The following RGS5 variants were observed in gnomAD, a reference collection of about 807,000 sequenced individuals.
RGS5 encodes regulator of G-protein signalling 5.
A neutral mutation model predicts 18.9 loss-of-function variants in RGS5; 20 were observed. The observed-to-expected ratio is 1.06, with a 90% CI of 0.74 to 1.54. The LOEUF is 1.54. RGS5 is among the 40% of genes most tolerant of loss of function. RGS5 has a pLI of 0.00. For synonymous variants in RGS5, 57 were observed against 76.2 expected, an observed-to-expected ratio of 0.75 and a Z score of 1.31; for missense variants, 201 against 211.8, an observed-to-expected ratio of 0.95 and a Z score of 0.32.
chr1:163,220,875 G>A (rs905499908), upstream of RGS5, among the ~76,000 whole-genome samples: 5 of 152,128 alleles, frequency 3.3e-5, no homozygotes, highest in African/African-American at 1.2e-4. Context: ...GTGGTGCAAG[G>A]AAGGGGTCAT....
chr1:163,194,911 C>A (rs752554005), intron 1 of RGS5, among the ~76,000 whole-genome samples: 1 of 151,862 alleles, frequency 6.6e-6, no homozygotes, highest in Non-Finnish European at 1.5e-5. Flanking sequence ...AAGAAATATA[C>A]GTTGATAATT....
chr1:163,158,075 A>T (rs1044231919), intron 3 of RGS5, among the ~76,000 whole-genome samples: 7 of 152,340 alleles, frequency 4.6e-5, no homozygotes, highest in Middle Eastern at 3.4e-3. Flanking sequence ...ATTTCTGATT[A>T]TAGACTATTA....
At chr1:163,310,864 T>C (rs1263973220) in intron 1 of RGS5, among the ~76,000 whole-genome samples, 2 of 152,062 alleles carry the variant, frequency 1.3e-5, no homozygotes, top group East Asian at 3.9e-4. Context: ...AAACTTACAA[T>C]CATGGCGGAA....
At chr1:163,152,415 A>G (rs1372194945) in intron 4 of RGS5, 135 bp downstream of exon 4, 2 of 842,138 alleles carry the variant, frequency 2.4e-6, no homozygotes, top group East Asian at 5.0e-5. Flanking sequence ...TGTACTCAAT[A>G]GGTGCTTAAT....
chr1:163,265,555 C>CTTCTT (rs1449070178), intron 2 of RGS5, among the ~76,000 whole-genome samples: 1 of 152,030 alleles, frequency 6.6e-6, no homozygotes, highest in Non-Finnish European at 1.5e-5. Flanking sequence ...TCTTTTTGAA[C>CTTCTT]TTTGCAACCT....
rs534894631 is a variant in RGS5, at chr1:163,254,998, T to C, written c.-281+51235A>G. On this transcript the variant is annotated intron_variant, in intron 2 of 5. Coordinates refer to the RGS5 transcript ENST00000618415. ...TTTCTGTGGGCTCTGTTCTGTTCCA[T>C]TGATCTATATCTCTGTTTTGGTACC... is the stretch of plus-strand genomic sequence containing the variant. Among the ~76,000 whole-genome samples, 926 of 152,266 alleles carry C rather than the reference T, an allele frequency of 6.1e-3. 4 individuals are homozygous for C. Among genetic ancestry groups the C allele is most frequent in the Non-Finnish European group, 9.3e-3 (630 of 68,008 alleles).
intron 1 of RGS5, among the ~76,000 whole-genome samples, chr1:163,185,128 A>G (rs1011069929): frequency 2.0e-5 from 3 of 152,092 alleles, no homozygotes; most frequent in African/African-American, 7.2e-5. Context: ...TGAACCAGCT[A>G]TTTGTTCCAA....
In RGS5 at chr1:163,177,945, G is replaced by A. The variant is rs183138589; in HGVS notation, c.45-9577C>T. ...TTTTCCAAAACCCCAAAATCACTGAGATACGCCAGCTTGTTCCCAGAGAGA... is the reference window on the plus strand; with the variant it reads ...TTTTCCAAAACCCCAAAATCACTGAAATACGCCAGCTTGTTCCCAGAGAGA... On this transcript the variant is annotated intron_variant, in intron 1 of 4. Transcript: ENST00000313961. 2.6e-5 allele frequency among the ~76,000 whole-genome samples: 4 copies of A among 152,276 alleles called. No individual in the cohort carries two copies. The East Asian group carries it at 7.7e-4, about 29-fold the overall frequency.
intron 2 of RGS5, among the ~76,000 whole-genome samples, chr1:163,166,779 T>G (rs544611203): frequency 6.8e-4 from 104 of 152,342 alleles, no homozygotes; most frequent in African/African-American, 2.5e-3. Context: ...TCTCTCTGAA[T>G]CCCTTTTAAT....
At chr1:163,154,542 T>C (rs1657510159) in intron 3 of RGS5, among the ~76,000 whole-genome samples, 1 of 151,794 alleles carries the variant, frequency 6.6e-6, no homozygotes, top group African/African-American at 2.4e-5. Context: ...TAATAAACAA[T>C]TTTCAACACT....
intron 2 of RGS5, among the ~76,000 whole-genome samples, chr1:163,256,040 A>G (rs1036447874): frequency 6.6e-6 from 1 of 152,248 alleles, no homozygotes; most frequent in Non-Finnish European, 1.5e-5. Flanking sequence ...ATTCCCTTTG[A>G]AAACTGGTAC....
chr1:163,264,572 C>T (rs1281220813), intron 2 of RGS5, among the ~76,000 whole-genome samples: 1 of 152,170 alleles, frequency 6.6e-6, no homozygotes, highest in African/African-American at 2.4e-5. Context: ...ATGATTGTAT[C>T]ATGCACATGC....
intron 3 of RGS5, among the ~76,000 whole-genome samples, chr1:163,159,835 A>T (rs1047519303): frequency 1.3e-5 from 2 of 152,190 alleles, no homozygotes; most frequent in African/African-American, 4.8e-5. Flanking sequence ...TAATTTCAAA[A>T]TGCATATATA....
chr1:163,293,422 T>G (rs1649345060), intron 2 of RGS5, among the ~76,000 whole-genome samples: 1 of 152,142 alleles, frequency 6.6e-6, no homozygotes, highest in African/African-American at 2.4e-5. Context: ...AACTATCAGA[T>G]CTTGTGAGAA....
intron 1 of RGS5, among the ~76,000 whole-genome samples, chr1:163,186,472 G>A (rs1557895982): frequency 1.3e-5 from 2 of 151,168 alleles, no homozygotes; most frequent in African/African-American, 2.4e-5. Context: ...CTAGCTACGC[G>A]GGAGGCTGAG....
At chr1:163,258,645 C>CTGTGTGTGTGTGTGTGTGTGTG (rs113301415) in intron 2 of RGS5, among the ~76,000 whole-genome samples, 1 of 148,290 alleles carries the variant, frequency 6.7e-6, no homozygotes, top group Non-Finnish European at 1.5e-5. Flanking sequence ...GTAAGTGTGT[C>CTGTGTGTGTGTGTGTGTGTGTG]TGTGTGTGTG....
rs1657097162 is a variant in RGS5 at position 163,145,516 on chromosome 1, C to G, written c.*1826G>C. 6.6e-6 allele frequency: 1 copy of G among 152,138 alleles called. No individual in the cohort carries two copies. Among genetic ancestry groups the G allele is most frequent in the Admixed American group, 6.6e-5 (1 of 15,250 alleles). The allele number at this position is 152,138 out of a possible 1,614,324, so 9.4% of individuals were successfully genotyped here. On this transcript the variant is annotated 3_prime_UTR_variant, in exon 5 of 5. Coordinates refer to ENST00000313961, the MANE Select transcript of RGS5 (RefSeq NM_003617.4). ...CCTACACAATTGCATGCAATGAGAA[C>G]TTCATGATTGTAGCATTGATCTGGC...
At chr1:163,184,032 C>T (rs1162846943) in intron 1 of RGS5, among the ~76,000 whole-genome samples, 1 of 152,182 alleles carries the variant, frequency 6.6e-6, no homozygotes, top group Non-Finnish European at 1.5e-5. Context: ...GCAATGCAGT[C>T]TGCCCTGTGG....
intron 2 of RGS5, among the ~76,000 whole-genome samples, chr1:163,246,434 A>G (rs12731546): frequency 0.15 from 22,674 of 149,372 alleles, 1,945 homozygotes; most frequent in Non-Finnish European, 0.19. Context: ...AGCTGGGCAC[A>G]GTGGCGTGCA....
Sources: gnomAD v4.1 joint callset for allele counts (sites outside exome capture counted in the v4.1 genomes callset) on GRCh38, gnomAD v4.1.1 for gene constraint, MANE v1.5 for transcripts, NCBI Gene and HGNC (gene_info 2026-07-23, HGNC 2026-07-21) for gene names.